Variants in ARHGEF4 observed in about 807,000 individuals in gnomAD.
ARHGEF4 encodes APC-stimulated guanine nucleotide exchange factor 1.
In ARHGEF4, 119 loss-of-function variants were observed where a neutral mutation model predicts 162.0. That is an observed-to-expected ratio of 0.73 (90% CI 0.63 to 0.86). The LOEUF (loss-of-function observed/expected upper bound fraction) is 0.86. Among genes scored for constraint, ARHGEF4 ranks in the 40% least tolerant of loss-of-function variants. ARHGEF4 has a pLI of 0.00. For synonymous variants in ARHGEF4, 1,014 were observed against 979.9 expected (o/e 1.03, Z -0.65); for missense variants, 2,488 against 2,456.0 (o/e 1.01, Z -0.28).
chr2:130,937,088 T>G (rs1683001896), intron 3 of ARHGEF4, among the ~76,000 whole-genome samples: 1 of 151,938 alleles, frequency 6.6e-6, no homozygotes, highest in Admixed American at 6.6e-5. Flanking sequence ...TTTTTCTATT[T>G]TTAGTAGAGA....
In ARHGEF4 at chr2:130,915,132, G is replaced by A. The variant is rs1254037723; in HGVS notation, c.1186G>A (p.Gly396Arg). 6.4e-7 allele frequency: 1 copy of A among 1,550,634 alleles called. No individual in the cohort carries two copies. Among genetic ancestry groups the A allele is most frequent in the South Asian group, 1.2e-5 (1 of 84,058 alleles). Residue 396 changes from glycine to arginine, a missense_variant, in exon 2 of 14, where the codon GGG becomes AGG. Transcript: ENST00000409359. ...LSGPIPAFQS[G>R]APHLQGPCKP... ...TGGCCCGATTCCTGCTTTTCAGAGT[G>A]GGGCTCCCCATCTGCAGGGTCCCTG... is the stretch of plus-strand genomic sequence containing the variant.
chr2:130,977,459 AGTGTT>A (rs1685819295), intron 4 of ARHGEF4, among the ~76,000 whole-genome samples: 1 of 149,848 alleles, frequency 6.7e-6, no homozygotes, highest in Non-Finnish European at 1.5e-5. Flanking sequence ...GTGTGTGTGT[AGTGTT>A]TATGTTGTGT....
intron 1 of ARHGEF4, among the ~76,000 whole-genome samples, chr2:130,846,150 C>T (rs1228874400): frequency 6.6e-6 from 1 of 152,214 alleles, no homozygotes; most frequent in Non-Finnish European, 1.5e-5. Flanking sequence ...CTCAAACAAG[C>T]CCCTTGCTTC....
chr2:130,878,420 C>A (rs1379143957), intron 1 of ARHGEF4, among the ~76,000 whole-genome samples: 1 of 152,220 alleles, frequency 6.6e-6, no homozygotes, highest in Non-Finnish European at 1.5e-5. Flanking sequence ...CTATTTGTGA[C>A]AGTTTCTGCC....
intron 4 of ARHGEF4, among the ~76,000 whole-genome samples, chr2:130,973,429 C>T (rs1399166301): frequency 2.0e-5 from 3 of 152,208 alleles, no homozygotes; most frequent in Admixed American, 2.0e-4. Flanking sequence ...GTGGAGGCTA[C>T]AGTGAGCCAA....
intron 5 of ARHGEF4, 130 bp downstream of exon 5, chr2:131,028,214 AGC>A: frequency 7.5e-7 from 1 of 1,336,790 alleles, no homozygotes; most frequent in Non-Finnish European, 1.0e-6. Flanking sequence ...GGCCATACAC[AGC>A]GCAGTTTCAG....
chr2:131,019,930 G>A (rs1300650047), intron 4 of ARHGEF4, among the ~76,000 whole-genome samples: 10 of 152,074 alleles, frequency 6.6e-5, no homozygotes, highest in Non-Finnish European at 1.5e-4. Context: ...CACCATGCCT[G>A]GCCAGTATTT....
At chr2:130,884,542 CAGCAGCG>C (rs1679390994) in intron 1 of ARHGEF4, among the ~76,000 whole-genome samples, 1 of 152,066 alleles carries the variant, frequency 6.6e-6, no homozygotes, top group African/African-American at 2.4e-5. Context: ...GCATTATTAG[CAGCAGCG>C]CACCTGATAT....
chr2:131,040,029 A>T lies in ARHGEF4; in HGVS notation c.4319A>T (p.Gln1440Leu), dbSNP rs1322761758. 2.6e-6 allele frequency: 4 copies of T among 1,562,832 alleles called. No individual in the cohort carries two copies. Among genetic ancestry groups the T allele is most frequent in the Non-Finnish European group, 3.5e-6 (4 of 1,154,956 alleles). Residue 1440 changes from glutamine (Q) to leucine (L), a missense_variant, in exon 7 of 14, where the codon CAG becomes CTG. Coordinates refer to ENST00000409359, the MANE Select transcript of ARHGEF4 (RefSeq NM_001367493.1). ...PASFVRLRVNQDEPADDDAPL... is the reference protein window; with the variant it reads ...PASFVRLRVNLDEPADDDAPL... ...CATGGCCTGCAGCTGAGGGTGAATCAGGACGAGCCCGCGGATGACGACGCC... is the reference window on the plus strand; with the variant it reads ...CATGGCCTGCAGCTGAGGGTGAATCTGGACGAGCCCGCGGATGACGACGCC...
At position 130,914,381 on chromosome 2, in the gene ARHGEF4, G is replaced by T; in HGVS notation, c.435G>T (p.Gly145=). 1.4e-6 allele frequency: 2 copies of T among 1,445,662 alleles called. No homozygotes were observed. The highest frequency in any genetic ancestry group is 1.8e-6 in the Non-Finnish European group (2 of 1,104,630). The allele number at this position is 1,445,662 out of a possible 1,614,324, so 89.6% of individuals were successfully genotyped here. Residue 145 remains glycine (G), a synonymous_variant, in exon 2 of 14, where the codon GGG becomes GGT. Coordinates refer to ENST00000409359, the MANE Select transcript of ARHGEF4 (RefSeq NM_001367493.1). ...TAGAGGATGACTCTTGCAAAAATGG[G>T]TGGCGAGCCTTTGCCACAGTTGCTG... is the stretch of plus-strand genomic sequence containing the variant. ...PSLEDDSCKN[G]WRAFATVAGE... is the part of the protein sequence containing the mutation.
In ARHGEF4 at chr2:130,966,281, C is replaced by T. The variant is rs370899968; in HGVS notation, c.3985+19646C>T. 3.7e-4 allele frequency among the ~76,000 whole-genome samples: 56 copies of T among 152,328 alleles called. No homozygotes were observed. In the South Asian group the frequency reaches 5.2e-3, roughly 14 times the overall value. Reference sequence around the variant, plus strand: ...TTAGAGCCAGTTGAATCTGTGAAGCCGTCTGTCCTTCTCAACTGGTCAGAA... The same window carrying T: ...TTAGAGCCAGTTGAATCTGTGAAGCTGTCTGTCCTTCTCAACTGGTCAGAA... On this transcript the variant is annotated intron_variant, in intron 4 of 13. Coordinates refer to ENST00000409359, the MANE Select transcript of ARHGEF4 (RefSeq NM_001367493.1).
chr2:130,994,608 C>T (rs1238845646), intron 4 of ARHGEF4, among the ~76,000 whole-genome samples: 1 of 152,036 alleles, frequency 6.6e-6, no homozygotes, highest in Non-Finnish European at 1.5e-5. Flanking sequence ...TTATGTTTTC[C>T]CATATACTTG....
intron 5 of ARHGEF4, chr2:131,035,445 T>A: frequency 3.0e-6 from 1 of 334,954 alleles, no homozygotes; most frequent in Non-Finnish European, 4.2e-6. Flanking sequence ...GGCACGTGTG[T>A]CACAGGGTCC....
At chr2:130,896,789 G>T (rs1680182631) in intron 1 of ARHGEF4, among the ~76,000 whole-genome samples, 1 of 152,174 alleles carries the variant, frequency 6.6e-6, no homozygotes, top group African/African-American at 2.4e-5. Flanking sequence ...TGAGACCTGG[G>T]CTGCAGACAC....
At chr2:130,964,190 G>T (rs1378522695) in intron 4 of ARHGEF4, 6 of 985,180 alleles carry the variant, frequency 6.1e-6, no homozygotes, top group Non-Finnish European at 7.2e-6. Context: ...GGCAACGGGG[G>T]CATGCGCGGC....
At chr2:130,855,128 G>A (rs1681682264) in intron 1 of ARHGEF4, among the ~76,000 whole-genome samples, 1 of 151,948 alleles carries the variant, frequency 6.6e-6, no homozygotes, top group African/African-American at 2.4e-5. Context: ...GCCTGCCTCG[G>A]CCTCCCAAAG....
chr2:131,044,628 C>T, intron 12 of ARHGEF4, 86 bp downstream of exon 12: 3 of 1,479,290 alleles, frequency 2.0e-6, no homozygotes, highest in Non-Finnish European at 2.7e-6. Context: ...CAGGAGAGCG[C>T]CGCTCAGCCC....
At chr2:131,044,273 C>T in intron 11 of ARHGEF4, 26 bp from the exon 12 acceptor site, 1 of 1,609,110 alleles carries the variant, frequency 6.2e-7, no homozygotes, top group Non-Finnish European at 8.5e-7. Context: ...GGTTCAGCAG[C>T]CAGGGCTGAG....
intron 1 of ARHGEF4, among the ~76,000 whole-genome samples, chr2:130,863,964 C>T (rs959489813): frequency 7.8e-6 from 1 of 127,586 alleles, no homozygotes; most frequent in African/African-American, 3.0e-5. Context: ...GCAGGCAGAT[C>T]ACGAGGTCAG....
Sources: allele counts gnomAD v4.1 joint callset (sites outside exome capture counted in the v4.1 genomes callset), GRCh38; gene constraint gnomAD v4.1.1; transcripts MANE v1.5; gene names NCBI Gene and HGNC (gene_info 2026-07-23, HGNC 2026-07-21).